C16orf89: variants seen among roughly 807,000 people sequenced by gnomAD.
The protein encoded by C16orf89 is UPF0764 protein C16orf89.
A neutral mutation model predicts 41.5 loss-of-function variants in C16orf89; 57 were observed. The observed-to-expected ratio is 1.38, with a 90% confidence interval of 1.11 to 1.71. C16orf89 has a LOEUF of 1.71. C16orf89 is among the 40% of genes most tolerant of loss of function. The pLI is 0.00. For missense variants in C16orf89, 575 were observed against 445.9 expected (o/e 1.29, Z -2.61); for synonymous variants, 223 against 190.6 (o/e 1.17, Z -1.40).
chr16:5,058,019 G>C (rs1956544794), intron 4 of C16orf89, among the ~76,000 whole-genome samples: 1 of 152,030 alleles, frequency 6.6e-6, no homozygotes, highest in African/African-American at 2.4e-5. Context: ...AGTATGATAG[G>C]GGCCCTACTT....
In C16orf89 at chr16:5,060,380, T is replaced by C; in HGVS notation, c.415A>G (p.Thr139Ala). The change falls in exon 3 of 8, where the codon ACT (threonine) becomes GCT (alanine). Residue 139 changes from threonine to alanine, a missense_variant. Thr to Ala is a moderately conservative substitution (Grantham distance 58). Coordinates refer to ENST00000472572, the MANE Select transcript of C16orf89 (RefSeq NM_001098514.3). ...FWKLPHAWIHTDASLVYPTFG... is the reference protein window; with the variant it reads ...FWKLPHAWIHADASLVYPTFG... Reference sequence around the variant, plus strand: ...GTGGGGTACACCAAGGAGGCATCAGTGTGGATCCAGGCATGTGGGAGCTTC... The same window carrying C: ...GTGGGGTACACCAAGGAGGCATCAGCGTGGATCCAGGCATGTGGGAGCTTC... 6.2e-7 allele frequency: 1 copy of C among 1,613,174 alleles called. No homozygotes were observed. Among genetic ancestry groups the C allele is most frequent in the African/African-American group, 1.3e-5 (1 of 74,964 alleles).
chr16:5,050,915 TATG>T (rs760775243), intron 6 of C16orf89, among the ~76,000 whole-genome samples: 2 of 152,174 alleles, frequency 1.3e-5, no homozygotes, highest in Admixed American at 6.5e-5. Context: ...AATCAATAAA[TATG>T]ATACATTACA....
chr16:5,045,661 G>A (rs1316192314), intron 7 of C16orf89, among the ~76,000 whole-genome samples: 2 of 152,308 alleles, frequency 1.3e-5, no homozygotes, highest in Admixed American at 6.5e-5. Flanking sequence ...ACGATGATCA[G>A]TTGTTAGCCC....
At chr16:5,053,072 A>T (rs190292823) in intron 6 of C16orf89, among the ~76,000 whole-genome samples, 1 of 152,348 alleles carries the variant, frequency 6.6e-6, no homozygotes, top group Admixed American at 6.5e-5. Flanking sequence ...AAGCTAAAAA[A>T]GTTGATCTCA....
intron 4 of C16orf89, among the ~76,000 whole-genome samples, chr16:5,057,432 A>G (rs1433842035): frequency 6.8e-6 from 1 of 148,052 alleles, no homozygotes. Flanking sequence ...TATAGTGTGT[A>G]TGGTAGTATA....
intron 7 of C16orf89, chr16:5,044,843 CAA>C (rs77991061): frequency 5.5e-4 from 554 of 1,013,554 alleles, no homozygotes; most frequent in East Asian, 3.0e-3. Flanking sequence ...GAATCTGTCT[CAA>C]AAAAAAAAAA....
At chr16:5,044,043 G>T, downstream of C16orf89, 6 of 794,114 alleles carry the variant, frequency 7.6e-6, no homozygotes, top group South Asian at 6.0e-5. Flanking sequence ...TTTGTGTTGA[G>T]TGGGATTGGA....
At chr16:5,053,565 G>A (rs1414778827) in intron 6 of C16orf89, among the ~76,000 whole-genome samples, 1 of 149,876 alleles carries the variant, frequency 6.7e-6, no homozygotes, top group Non-Finnish European at 1.5e-5. Flanking sequence ...TTTAAAGACA[G>A]TGTCTCGCTT....
At chr16:5,051,702 T>C (rs1596688364) in intron 6 of C16orf89, among the ~76,000 whole-genome samples, 1 of 152,100 alleles carries the variant, frequency 6.6e-6, no homozygotes, top group African/African-American at 2.4e-5. Context: ...CTAAAATTTG[T>C]ATAGACCCAC....
rs1239298963 is a variant in C16orf89 at position 5,062,484 on chromosome 16, T to A, written c.299A>T (p.Glu100Val). 1.4e-5 allele frequency: 22 copies of A among 1,613,994 alleles called. No homozygotes were observed. Among genetic ancestry groups the A allele is most frequent in the East Asian group, 2.2e-5 (1 of 44,890 alleles). ...GTGGAGGGATCTCTGGATGGCAGCC[T>A]CCAGCTTCTCCCCCAGCATCCCCAC... ...LRVGMLGEKLEAAIQRSLHYL... is the reference protein window; with the variant it reads ...LRVGMLGEKLVAAIQRSLHYL... The change falls in exon 2 of 8, where the codon GAG becomes GTG. Residue 100 changes from glutamate (E) to valine (V), a missense_variant. Glu to Val is a moderately radical substitution (Grantham distance 121). Transcript: ENST00000472572.
At position 5,060,413 on chromosome 16, in the gene C16orf89, C is replaced by A; in HGVS notation, c.382G>T (p.Gly128Trp). The change falls in exon 3 of 8, where the codon GGG becomes TGG. Residue 128 changes from glycine (G) to tryptophan (W), a missense_variant. Coordinates refer to ENST00000472572, the MANE Select transcript of C16orf89 (RefSeq NM_001098514.3). The stretch of plus-strand genomic sequence containing the variant: ...CAGGCATGTGGGAGCTTCCAAAACC[C>A]GGGCTGGAGGGTCAGCTGGAACTCT... ...LREFQLTLQP[G>W]FWKLPHAWIH... 6.2e-7 allele frequency: 1 copy of A among 1,612,994 alleles called. No individual in the cohort carries two copies. The highest frequency in any genetic ancestry group is 8.5e-7 in the Non-Finnish European group (1 of 1,179,602).
intron 5 of C16orf89, chr16:5,055,568 AG>A: frequency 2.5e-6 from 3 of 1,180,224 alleles, no homozygotes; most frequent in Non-Finnish European, 3.5e-6. Context: ...GGCCTTGGTC[AG>A]GGCTGCTCCA....
At chr16:5,046,176 T>A (rs1956293062) in intron 7 of C16orf89, among the ~76,000 whole-genome samples, 1 of 152,082 alleles carries the variant, frequency 6.6e-6, no homozygotes, top group South Asian at 2.1e-4. Flanking sequence ...CTGCTTTCAC[T>A]CTCTCCTGTC....
rs1457310413 is a variant in C16orf89, at chr16:5,047,959, C to T, written c.874G>A (p.Glu292Lys). ...ATAGCTTTAGATAATTCTTCATCTT[C>T]AGCATCTGGGAGAAGAGCAAAAGTT... Reference protein sequence around the residue: ...QEGCFGEPDAEDEELSKAIQY... With the variant: ...QEGCFGEPDAKDEELSKAIQY... Residue 292 changes from glutamate (E) to lysine (K), a missense_variant, in exon 7 of 8, where the codon GAA becomes AAA. By Grantham distance (56) the Glu-to-Lys change is moderately conservative (BLOSUM62 1). Transcript: ENST00000472572. The T allele has an allele frequency of 1.3e-6, 2 of 1,570,510 alleles. No homozygotes were observed. Among genetic ancestry groups the T allele is most frequent in the Non-Finnish European group, 1.8e-6 (2 of 1,141,906 alleles).
chr16:5,051,245 AAGG>A (rs1272055744), intron 6 of C16orf89, among the ~76,000 whole-genome samples: 1 of 152,222 alleles, frequency 6.6e-6, no homozygotes, highest in Non-Finnish European at 1.5e-5. Context: ...CCAAATGAAA[AAGG>A]AGGAAGTCAA....
chr16:5,047,879 T>A lies in C16orf89; in HGVS notation c.954A>T (p.Pro318=). 6.4e-7 allele frequency: 1 copy of A among 1,551,298 alleles called. No individual in the cohort carries two copies. Among genetic ancestry groups the A allele is most frequent in the Non-Finnish European group, 8.9e-7 (1 of 1,124,106 alleles). The change falls in exon 7 of 8, where the codon CCA becomes CCT. Residue 318 remains proline, a splice_region_variant and synonymous_variant. Coordinates refer to ENST00000472572, the MANE Select transcript of C16orf89 (RefSeq NM_001098514.3). ...RRVKRREKQF[P]DGCSSHNTAT... ...AACTCCCTTGGGTATTTTCATTACCTGGAAATTGTTTTTCTCGCCTCTTCA... is the reference window on the plus strand; with the variant it reads ...AACTCCCTTGGGTATTTTCATTACCAGGAAATTGTTTTTCTCGCCTCTTCA...
At chr16:5,047,000 G>A (rs1207690586) in intron 7 of C16orf89, among the ~76,000 whole-genome samples, 3 of 152,120 alleles carry the variant, frequency 2.0e-5, no homozygotes, top group Non-Finnish European at 4.4e-5. Context: ...TGGCTTTCGG[G>A]TCCCTTCTCT....
chr16:5,055,947 G>C, intron 5 of C16orf89, 106 bp downstream of exon 5: 2 of 134,504 alleles, frequency 1.5e-5, no homozygotes, highest in East Asian at 1.4e-4. Context: ...CCGTGTGTGT[G>C]TGTGTGTGTG....
chr16:5,055,102 C>G (rs761157433), intron 6 of C16orf89, 144 bp downstream of exon 6: 12 of 722,240 alleles, frequency 1.7e-5, no homozygotes, highest in Non-Finnish European at 2.8e-5. Context: ...CTTGTGTGTA[C>G]ACGTCTGTGT....
Sources: allele counts gnomAD v4.1 joint callset (sites outside exome capture counted in the v4.1 genomes callset), GRCh38; gene constraint gnomAD v4.1.1; transcripts MANE v1.5; gene names NCBI Gene and HGNC (gene_info 2026-07-23, HGNC 2026-07-21).